Variants in PHKA1 observed in about 807,000 individuals in gnomAD.
PHKA1 encodes the protein phosphorylase kinase regulatory subunit alpha 1.
A neutral mutation model predicts 110.2 loss-of-function variants in PHKA1; 60 were observed. The observed-to-expected ratio is 0.54, with a 90% confidence interval of 0.44 to 0.68. The LOEUF (loss-of-function observed/expected upper bound fraction) is 0.68, where lower values mean the gene tolerates loss of function less well. Ranked by LOEUF, PHKA1 falls within the 30% of genes least tolerant of loss-of-function variation. PHKA1 has a pLI of 0.00. For missense variants in PHKA1, 801 were observed against 942.5 expected (o/e 0.85, Z 1.97); for synonymous variants, 316 against 333.6 (o/e 0.95, Z 0.58).
chrX:72,588,901 A>G (rs782779247), intron 29 of PHKA1, among the ~76,000 whole-genome samples: 3 of 111,779 alleles, frequency 2.7e-5, no homozygotes, highest in African/African-American at 9.7e-5. Context: ...CTCTGAATAG[A>G]CCAATAACAG....
chrX:72,696,048 A>G (rs2054105988), intron 3 of PHKA1, among the ~76,000 whole-genome samples, 172 bp from the exon 4 acceptor site: 2 of 112,115 alleles, frequency 1.8e-5, no homozygotes, highest in Admixed American at 1.9e-4. Context: ...ATATAACTGG[A>G]AAGTCTGTTA....
At chrX:72,584,075 C>G (rs879966814) in intron 30 of PHKA1, among the ~76,000 whole-genome samples, 174 bp downstream of exon 30, 1 of 112,378 alleles carries the variant, frequency 8.9e-6, no homozygotes, top group Non-Finnish European at 1.9e-5. Context: ...GTAATCCATA[C>G]TTATTCTATA....
intron 2 of PHKA1, among the ~76,000 whole-genome samples, chrX:72,710,989 G>A (rs1317707159): frequency 9.4e-6 from 1 of 106,793 alleles, no homozygotes; most frequent in Non-Finnish European, 1.9e-5. Flanking sequence ...AGCCTCCCGA[G>A]TAGCTGGGAC....
At chrX:72,583,641 C>T (rs1002470489) in intron 30 of PHKA1, among the ~76,000 whole-genome samples, 2 of 112,225 alleles carry the variant, frequency 1.8e-5, no homozygotes, top group Non-Finnish European at 3.8e-5. Flanking sequence ...CCTTTGTTGA[C>T]TCTGTGTAAA....
At chrX:72,709,194 C>T in intron 2 of PHKA1, among the ~76,000 whole-genome samples, 1 of 110,577 alleles carries the variant, frequency 9.0e-6, no homozygotes, top group East Asian at 2.8e-4. Flanking sequence ...TGAATGACCA[C>T]ACAAAAAGAA....
At chrX:72,653,332 C>T (rs1569441851) in intron 11 of PHKA1, 103 bp downstream of exon 11, 2 of 555,266 alleles carry the variant, frequency 3.6e-6, no homozygotes, top group African/African-American at 4.6e-5. Context: ...GCTTTCAGAA[C>T]AACAAAATAA....
rs1025423127 is a variant in PHKA1 at position 72,581,043 on chromosome X, C to T, written c.3631G>A (p.Val1211Met). The change falls in exon 32 of 32, where the codon GTG becomes ATG. Residue 1211 changes from valine to methionine, a missense_variant. Physicochemically the swap from Val to Met is conservative, Grantham distance 21 (BLOSUM62 1). Coordinates refer to ENST00000373542, the MANE Select transcript of PHKA1 (RefSeq NM_002637.4). ...ATGCTGTGGGGCAGGAACTCCTGCA[C>T]GTAGGTGGCGGCTGCCTTGGAGAGG... Reference protein sequence around the residue: ...TYLSKAAATYVQEFLPHSICA... With the variant: ...TYLSKAAATYMQEFLPHSICA... The T allele has an allele frequency of 2.2e-5, 27 of 1,209,496 alleles. No homozygotes were observed. Among genetic ancestry groups the T allele is most frequent in the Admixed American group, 6.6e-5 (3 of 45,734 alleles).
intron 2 of PHKA1, among the ~76,000 whole-genome samples, chrX:72,706,684 G>A (rs2054288255): frequency 9.0e-6 from 1 of 111,261 alleles, no homozygotes; most frequent in Admixed American, 9.6e-5. Flanking sequence ...ATAGAACTCA[G>A]CATTTATACT....
At chrX:72,671,728 C>T (rs1452158939) in intron 6 of PHKA1, among the ~76,000 whole-genome samples, 3 of 111,201 alleles carry the variant, frequency 2.7e-5, no homozygotes, top group Non-Finnish European at 3.8e-5. Flanking sequence ...GGTACTGGTA[C>T]CAAAACAGAG....
At chrX:72,635,614 T>G (rs980797608) in intron 15 of PHKA1, among the ~76,000 whole-genome samples, 1 of 112,160 alleles carries the variant, frequency 8.9e-6, no homozygotes, top group African/African-American at 3.2e-5. Context: ...CGTGGATTAG[T>G]GAAATCATAT....
intron 19 of PHKA1, 87 bp downstream of exon 19, chrX:72,620,638 C>G (rs1259625694): frequency 1.3e-6 from 1 of 798,883 alleles, no homozygotes; most frequent in Non-Finnish European, 1.9e-6. Flanking sequence ...AACTAAAGTT[C>G]CTGCTTACAT....
chrX:72,596,221 A>G lies in PHKA1; in HGVS notation c.3073-2947T>C, dbSNP rs782398055. On this transcript the variant is annotated intron_variant, in intron 28 of 31. Coordinates refer to ENST00000373542, the MANE Select transcript of PHKA1 (RefSeq NM_002637.4). The stretch of plus-strand genomic sequence containing the variant: ...AGAAGAACAAATTCTGTATGATTCC[A>G]GTTATGTAATGTATCTGAAACAGCC... 2.7e-5 allele frequency among the ~76,000 whole-genome samples: 3 copies of G among 111,983 alleles called. No homozygotes were observed. The South Asian group carries it at 1.1e-3, about 42-fold the overall frequency.
intron 29 of PHKA1, among the ~76,000 whole-genome samples, chrX:72,589,379 C>T (rs1323145849): frequency 6.3e-5 from 7 of 111,627 alleles, no homozygotes; most frequent in African/African-American, 2.3e-4. Flanking sequence ...ATTCAAAAGC[C>T]CTTCATGCTA....
At chrX:72,636,212 A>G (rs2053228013) in intron 15 of PHKA1, 65 bp downstream of exon 15, 1 of 703,973 alleles carries the variant, frequency 1.4e-6, no homozygotes. Context: ...TAAATGCTTT[A>G]TTTCTCCAAT....
intron 5 of PHKA1, among the ~76,000 whole-genome samples, chrX:72,682,939 A>T (rs1350317116): frequency 9.7e-5 from 10 of 102,617 alleles, no homozygotes; most frequent in Non-Finnish European, 1.6e-4. Context: ...TAAATTAAAA[A>T]AAAAAAAAAA....
intron 17 of PHKA1, among the ~76,000 whole-genome samples, chrX:72,624,213 T>G (rs1190001180): frequency 8.9e-6 from 1 of 111,912 alleles, no homozygotes; most frequent in Non-Finnish European, 1.9e-5. Context: ...GAGACTGTAG[T>G]AAATTCTTAT....
At chrX:72,680,950 G>A (rs1556314448) in intron 5 of PHKA1, among the ~76,000 whole-genome samples, 6 of 58,709 alleles carry the variant, frequency 1.0e-4, no homozygotes, top group African/African-American at 3.1e-4. Flanking sequence ...CTGCCACCCC[G>A]TCTGGGAAGT....
chrX:72,627,051 T>A lies in PHKA1; in HGVS notation c.1715-2A>T, dbSNP rs1064794973. On this transcript the variant is annotated splice_acceptor_variant, in intron 16 of 31. Transcript: ENST00000373542. LOFTEE classifies it high-confidence loss of function. ...AATTCAAGCTTGTTCCATCTTCATC[T>A]TGAAATGAACAGAATTTTAAAACAA... The A allele has an allele frequency of 1.0e-5, 12 of 1,189,594 alleles. No individual in the cohort carries two copies. Among genetic ancestry groups the A allele is most frequent in the Non-Finnish European group, 1.4e-5 (12 of 875,270 alleles).
chrX:72,627,183 T>C (rs1359498159), intron 16 of PHKA1, 134 bp from the exon 17 acceptor site: 1 of 518,382 alleles, frequency 1.9e-6, no homozygotes, highest in African/African-American at 2.3e-5. Flanking sequence ...CCATCCTGAT[T>C]TTAACAATTC....
Sources: allele counts gnomAD v4.1 joint callset (sites outside exome capture counted in the v4.1 genomes callset), GRCh38; gene constraint gnomAD v4.1.1; transcripts MANE v1.5; gene names NCBI Gene and HGNC (gene_info 2026-07-23, HGNC 2026-07-21).